The following EPHA7 variants were observed in gnomAD, a reference collection of about 807,000 sequenced individuals.
EPHA7 encodes the protein EPH receptor A7, also known as ephrin type-A receptor 7.
EPHA7 carries 25 observed loss-of-function variants against 112.6 expected under a neutral mutation model. That is an observed-to-expected ratio of 0.22 (90% CI 0.16 to 0.31). EPHA7 has a LOEUF of 0.31. Ranked by LOEUF, EPHA7 falls within the 10% of genes least tolerant of loss-of-function variation. The pLI is 1.00. For synonymous variants in EPHA7, 437 were observed against 406.5 expected (o/e 1.07, Z -0.90); for missense variants, 962 against 1,212.6 (o/e 0.79, Z 3.07).
rs137932586 is a variant in EPHA7 at position 93,300,457 on chromosome 6, G to A, written c.1325-28035C>T. On this transcript the variant is annotated intron_variant, in intron 5 of 16. Coordinates refer to ENST00000369303, the MANE Select transcript of EPHA7 (RefSeq NM_004440.4). ...GAAATGTAAGAAATACATGCAGTAA[G>A]ATTTAGGACAATTTTTATTTTCTTA... 3.0e-3 allele frequency among the ~76,000 whole-genome samples: 454 copies of A among 152,170 alleles called. 1 individual carries two copies. The highest frequency in any genetic ancestry group is 5.5e-3 in the Non-Finnish European group (371 of 67,986).
chr6:93,397,530 G>T lies in EPHA7; in HGVS notation c.832+12971C>A, dbSNP rs114864433. ...TGTTTTTTAAGAATAAAGAAAAATA[G>T]CAAGATTTATCACCCCCAAAGATGG... On this transcript the variant is annotated intron_variant, in intron 3 of 16. Transcript: ENST00000369303. 4.2e-3 allele frequency among the ~76,000 whole-genome samples: 636 copies of T among 151,900 alleles called. 3 individuals carry two copies. Among genetic ancestry groups the T allele is most frequent in the African/African-American group, 0.014 (595 of 41,496 alleles).
At position 93,282,940 on chromosome 6, in the gene EPHA7, C is replaced by G. The variant is rs1031727523; in HGVS notation, c.1325-10518G>C. ...AGAGCCTCCCCGAGGAGCGCTGCCC[C>G]CTTCTCCACCGTGCCTAGTCCCATC... is the stretch of plus-strand genomic sequence containing the variant. On this transcript the variant is annotated intron_variant, in intron 5 of 16. Transcript: ENST00000369303. 3.3e-5 allele frequency among the ~76,000 whole-genome samples: 5 copies of G among 152,186 alleles called. No individual in the cohort carries two copies. The East Asian group carries it at 5.8e-4, about 18-fold the overall frequency.
intron 3 of EPHA7, among the ~76,000 whole-genome samples, chr6:93,390,504 G>A (rs1414264224): frequency 6.6e-6 from 1 of 150,988 alleles, no homozygotes; most frequent in Non-Finnish European, 1.5e-5. Flanking sequence ...GAGAACATAT[G>A]CTAGAGTCTT....
intron 5 of EPHA7, among the ~76,000 whole-genome samples, chr6:93,311,699 C>A (rs539676346): frequency 6.6e-6 from 1 of 152,092 alleles, no homozygotes; most frequent in Non-Finnish European, 1.5e-5. Flanking sequence ...TAATGGCATA[C>A]GGAATGGTGA....
At chr6:93,387,760 A>T (rs1777686652) in intron 3 of EPHA7, among the ~76,000 whole-genome samples, 1 of 152,022 alleles carries the variant, frequency 6.6e-6, no homozygotes, top group Non-Finnish European at 1.5e-5. Context: ...CACCTTATAA[A>T]ACCATCAGAT....
At chr6:93,347,625 G>T (rs566430359) in intron 5 of EPHA7, among the ~76,000 whole-genome samples, 2 of 151,854 alleles carry the variant, frequency 1.3e-5, no homozygotes, top group East Asian at 3.9e-4. Flanking sequence ...AGACTGAGGG[G>T]CTTAAATTGA....
chr6:93,381,758 T>A (rs1318700695), intron 3 of EPHA7, among the ~76,000 whole-genome samples: 1 of 151,584 alleles, frequency 6.6e-6, no homozygotes, highest in African/African-American at 2.4e-5. Flanking sequence ...CCTGTGATCC[T>A]CTCATCCCAA....
At chr6:93,341,584 T>C (rs1200154087) in intron 5 of EPHA7, among the ~76,000 whole-genome samples, 3 of 151,828 alleles carry the variant, frequency 2.0e-5, no homozygotes, top group Non-Finnish European at 4.4e-5. Flanking sequence ...CAAGGCTAAT[T>C]GTAAATGTTT....
intron 5 of EPHA7, among the ~76,000 whole-genome samples, chr6:93,314,997 G>C (rs1773731226): frequency 6.7e-6 from 1 of 148,578 alleles, no homozygotes; most frequent in Non-Finnish European, 1.5e-5. Context: ...CGAGTAGCTG[G>C]GACTACAGGC....
chr6:93,268,173 C>T (rs541577696), intron 7 of EPHA7, among the ~76,000 whole-genome samples: 1 of 151,564 alleles, frequency 6.6e-6, no homozygotes, highest in East Asian at 2.0e-4. Context: ...TTAAGTTTAC[C>T]ACATCAAATT....
chr6:93,253,310 A>G (rs1770297483), intron 14 of EPHA7, among the ~76,000 whole-genome samples: 1 of 152,126 alleles, frequency 6.6e-6, no homozygotes, highest in Admixed American at 6.6e-5. Flanking sequence ...AGCAAATGAA[A>G]AAGTTTTATG....
intron 11 of EPHA7, 140 bp from the exon 12 acceptor site, chr6:93,257,663 C>T (rs894190657): frequency 1.2e-5 from 7 of 602,372 alleles, no homozygotes; most frequent in Non-Finnish European, 2.0e-5. Flanking sequence ...ATTGTTGCTG[C>T]TAAGCTCAAA....
chr6:93,311,803 A>T (rs1438457070), intron 5 of EPHA7, among the ~76,000 whole-genome samples: 1 of 152,164 alleles, frequency 6.6e-6, no homozygotes, highest in Non-Finnish European at 1.5e-5. Context: ...TGTATTTATT[A>T]AAAAAGACTT....
chr6:93,246,245 T>C (rs1432316383), intron 15 of EPHA7, among the ~76,000 whole-genome samples: 1 of 151,988 alleles, frequency 6.6e-6, no homozygotes, highest in Non-Finnish European at 1.5e-5. Flanking sequence ...AGAGATGGGG[T>C]TTCACTGTGT....
At chr6:93,245,186 T>A (rs906366170) in intron 16 of EPHA7, 112 bp downstream of exon 16, 43 of 1,019,276 alleles carry the variant, frequency 4.2e-5, no homozygotes, top group South Asian at 1.5e-4. Flanking sequence ...GTATTTTTTT[T>A]ATCTTGATTT....
In EPHA7 at chr6:93,414,849, T is replaced by C. The variant is rs920892902; in HGVS notation, c.98-82A>G. Reference sequence around the variant, plus strand: ...GACATTTTTAAGGTGAATCTTTTCATATAACTATCACTATATGACTTAAGA... The same window carrying C: ...GACATTTTTAAGGTGAATCTTTTCACATAACTATCACTATATGACTTAAGA... On this transcript the variant is annotated intron_variant, in intron 1 of 16. Coordinates refer to ENST00000369303, the MANE Select transcript of EPHA7 (RefSeq NM_004440.4). 6 of 1,078,710 alleles carry C rather than the reference T, an allele frequency of 5.6e-6. No homozygotes were observed. The African/African-American group carries it at 9.4e-5, about 17-fold the overall frequency. The allele number at this position is 1,078,710 out of a possible 1,614,324, so 66.8% of individuals were successfully genotyped here. A position where few individuals can be genotyped will look rare whatever the true frequency, so the allele number is the denominator to read the frequency against.
intron 5 of EPHA7, among the ~76,000 whole-genome samples, chr6:93,291,208 A>C (rs1772343884): frequency 6.6e-6 from 1 of 152,214 alleles, no homozygotes; most frequent in Admixed American, 6.5e-5. Flanking sequence ...TTTTGTTTAT[A>C]AAGTACTACA....
intron 3 of EPHA7, among the ~76,000 whole-genome samples, chr6:93,383,323 G>T (rs1309109042): frequency 1.4e-5 from 2 of 146,184 alleles, no homozygotes; most frequent in Non-Finnish European, 3.0e-5. Context: ...AACTCATTTT[G>T]TGTGTGTGTG....
intron 5 of EPHA7, among the ~76,000 whole-genome samples, chr6:93,316,889 C>G (rs1398835073): frequency 6.6e-6 from 1 of 152,042 alleles, no homozygotes; most frequent in Non-Finnish European, 1.5e-5. Flanking sequence ...ATATTGAAAA[C>G]ATTTAGAAGC....
Sources: allele counts gnomAD v4.1 joint callset (sites outside exome capture counted in the v4.1 genomes callset), GRCh38; gene constraint gnomAD v4.1.1; transcripts MANE v1.5; gene names NCBI Gene and HGNC (gene_info 2026-07-23, HGNC 2026-07-21).